The following LRMDA variants were observed in gnomAD, a reference collection of about 807,000 sequenced individuals.
The protein encoded by LRMDA is leucine rich melanocyte differentiation associated.
LRMDA carries 18 observed loss-of-function variants against 29.8 expected under a neutral mutation model. The ratio of observed to expected loss-of-function variants is 0.60; its 90% CI spans 0.42 to 0.90. LRMDA has a LOEUF of 0.90. Among genes scored for constraint, LRMDA ranks in the 40% least tolerant of loss-of-function variants. The pLI is 0.00. For synonymous variants in LRMDA, 125 were observed against 109.4 expected, an observed-to-expected ratio of 1.14 and a Z score of -0.89; for missense variants, 273 against 273.9, an observed-to-expected ratio of 1.00 and a Z score of 0.02.
intron 5 of LRMDA, among the ~76,000 whole-genome samples, chr10:76,205,968 A>G (rs1026174526): frequency 6.6e-6 from 1 of 152,168 alleles, no homozygotes; most frequent in Non-Finnish European, 1.5e-5. Flanking sequence ...CCACCTTTTA[A>G]CAAAACCTCC....
intron 5 of LRMDA, among the ~76,000 whole-genome samples, chr10:76,135,774 T>C (rs1349993221): frequency 6.6e-6 from 1 of 151,288 alleles, no homozygotes; most frequent in Non-Finnish European, 1.5e-5. Context: ...TTTCTTTCTT[T>C]TTTTTTTTTT....
chr10:76,457,285 C>G (rs1364175464), intron 6 of LRMDA, among the ~76,000 whole-genome samples: 2 of 152,196 alleles, frequency 1.3e-5, no homozygotes, highest in Non-Finnish European at 2.9e-5. Context: ...TCTGTGTTTG[C>G]AAATTTGCCT....
At chr10:76,010,432 C>A (rs1589287502) in intron 2 of LRMDA, among the ~76,000 whole-genome samples, 1 of 151,998 alleles carries the variant, frequency 6.6e-6, no homozygotes, top group Non-Finnish European at 1.5e-5. Context: ...CCTGCCTCAG[C>A]CTCCTGAGTA....
intron 2 of LRMDA, among the ~76,000 whole-genome samples, chr10:75,623,283 C>A (rs1841210548): frequency 6.6e-6 from 1 of 152,162 alleles, no homozygotes; most frequent in Non-Finnish European, 1.5e-5. Flanking sequence ...TCTTCGTGGG[C>A]CCCTTGAAAG....
At chr10:76,093,152 C>G (rs1173344008) in intron 5 of LRMDA, among the ~76,000 whole-genome samples, 2 of 152,068 alleles carry the variant, frequency 1.3e-5, no homozygotes, top group Non-Finnish European at 2.9e-5. Flanking sequence ...ATTCTCCTGC[C>G]TCAGCCTCCC....
intron 2 of LRMDA, among the ~76,000 whole-genome samples, chr10:75,685,238 GA>G (rs543076170): frequency 2.7e-5 from 4 of 148,592 alleles, no homozygotes; most frequent in African/African-American, 4.9e-5. Context: ...CCAGAGGCTT[GA>G]AAAAAAAAAG....
intron 2 of LRMDA, among the ~76,000 whole-genome samples, chr10:75,942,516 G>A (rs879796256): frequency 7.2e-5 from 11 of 152,074 alleles, no homozygotes; most frequent in East Asian, 1.9e-4. Context: ...AACCACTTGC[G>A]GGAAGTTAAG....
intron 2 of LRMDA, among the ~76,000 whole-genome samples, chr10:75,564,873 A>G (rs1357957688): frequency 3.9e-5 from 6 of 152,218 alleles, no homozygotes; most frequent in African/African-American, 1.2e-4. Context: ...TCTGTAAGGG[A>G]TTCACCAGAT....
At chr10:75,844,122 A>G (rs1179866572) in intron 2 of LRMDA, among the ~76,000 whole-genome samples, 5 of 152,156 alleles carry the variant, frequency 3.3e-5, no homozygotes, top group Non-Finnish European at 1.5e-5. Context: ...GAAAAATCAA[A>G]TGAGAAATGG....
chr10:76,151,272 A>G (rs965489678), intron 5 of LRMDA, among the ~76,000 whole-genome samples: 2 of 152,152 alleles, frequency 1.3e-5, no homozygotes, highest in Non-Finnish European at 2.9e-5. Flanking sequence ...AGGTACAGCT[A>G]TATCAGCTTA....
chr10:76,502,017 T>G (rs1238815725), intron 6 of LRMDA, among the ~76,000 whole-genome samples: 1 of 151,960 alleles, frequency 6.6e-6, no homozygotes, highest in Admixed American at 6.6e-5. Context: ...CTTTAATCCA[T>G]TTTGAGTTAA....
At chr10:75,789,138 T>C (rs1843524002) in intron 2 of LRMDA, among the ~76,000 whole-genome samples, 1 of 152,250 alleles carries the variant, frequency 6.6e-6, no homozygotes, top group African/African-American at 2.4e-5. Flanking sequence ...CAGACACTTC[T>C]AGCTGTGTGA....
At position 76,022,649 on chromosome 10, in the gene LRMDA, A is replaced by G. The variant is rs149096652; in HGVS notation, c.132-13359A>G. Among the ~76,000 whole-genome samples, 530 of 152,250 alleles carry G rather than the reference A, an allele frequency of 3.5e-3. 7 individuals are homozygous for G. The highest frequency in any genetic ancestry group is 0.012 in the African/African-American group (516 of 41,550). ...ATGGTAGGAGTCCTTAGACCAGAAT[A>G]ATCTTCCTTACTTTGCTAGGAAAGC... On this transcript the variant is annotated intron_variant, in intron 2 of 6. Coordinates refer to ENST00000611255, the MANE Select transcript of LRMDA (RefSeq NM_001305581.2).
At chr10:75,818,766 C>T (rs775739949) in intron 2 of LRMDA, among the ~76,000 whole-genome samples, 1 of 152,250 alleles carries the variant, frequency 6.6e-6, no homozygotes, top group Non-Finnish European at 1.5e-5. Flanking sequence ...CACCTCCCCA[C>T]CCCTGGGAGG....
chr10:75,709,377 C>T lies in LRMDA; in HGVS notation c.131+270883C>T, dbSNP rs76075007. Among the ~76,000 whole-genome samples, 1,005 of 150,654 alleles carry T rather than the reference C, an allele frequency of 6.7e-3. 25 individuals are homozygous for T. Among genetic ancestry groups the T allele is most frequent in the East Asian group, 0.059 (302 of 5,136 alleles). ...GTGTGTGTCTGTGTGTGCGTGCATGCGTATGTGTGCCTGTGTGTGTGCATG... is the reference window on the plus strand; with the variant it reads ...GTGTGTGTCTGTGTGTGCGTGCATGTGTATGTGTGCCTGTGTGTGTGCATG... On this transcript the variant is annotated intron_variant, in intron 2 of 6. Coordinates refer to ENST00000611255, the MANE Select transcript of LRMDA (RefSeq NM_001305581.2).
At chr10:76,052,254 T>A (rs1029938606) in intron 4 of LRMDA, among the ~76,000 whole-genome samples, 1 of 152,244 alleles carries the variant, frequency 6.6e-6, no homozygotes, top group African/African-American at 2.4e-5. Context: ...AAGAAAATTT[T>A]AAAAACGAAA....
At chr10:75,758,697 A>G (rs1016625837) in intron 2 of LRMDA, among the ~76,000 whole-genome samples, 1 of 152,184 alleles carries the variant, frequency 6.6e-6, no homozygotes, top group African/African-American at 2.4e-5. Flanking sequence ...AATCAGTGCT[A>G]GATAAATTGG....
At chr10:75,563,114 C>T (rs1425305597) in intron 2 of LRMDA, among the ~76,000 whole-genome samples, 1 of 152,070 alleles carries the variant, frequency 6.6e-6, no homozygotes, top group African/African-American at 2.4e-5. Flanking sequence ...GGATAATATC[C>T]TGCAGAGTGT....
Position 76,401,434 on chromosome 10 carries a change from G to A in LRMDA, c.601+76949G>A, listed in dbSNP as rs1049499053. Among the ~76,000 whole-genome samples, 5 of 152,198 alleles carry A rather than the reference G, an allele frequency of 3.3e-5. No individual in the cohort carries two copies. In the East Asian group the frequency reaches 9.6e-4, roughly 29 times the overall value. On this transcript the variant is annotated intron_variant, in intron 6 of 6. Transcript: ENST00000611255. ...CTTGTTCTTGGGGTTTTATGTTTAA[G>A]CATCACCATCTTCTTGAGACTCTTA...
Sources: allele counts gnomAD v4.1 joint callset (sites outside exome capture counted in the v4.1 genomes callset), GRCh38; gene constraint gnomAD v4.1.1; transcripts MANE v1.5; gene names NCBI Gene and HGNC (gene_info 2026-07-23, HGNC 2026-07-21).